Variants in TRAPPC2B observed in about 807,000 individuals in gnomAD.
The protein encoded by TRAPPC2B is trafficking protein particle complex subunit 2B.
Under a neutral mutation model 8.4 loss-of-function variants are expected in TRAPPC2B, and 5 were observed. The ratio of observed to expected loss-of-function variants is 0.59; its 90% CI spans 0.31 to 1.25. TRAPPC2B has a LOEUF of 1.25. Among genes scored for constraint, TRAPPC2B ranks in the 50% most tolerant of loss-of-function variants. TRAPPC2B has a pLI of 0.06. For synonymous variants in TRAPPC2B, 46 were observed against 58.1 expected, an observed-to-expected ratio of 0.79 and a Z score of 0.95; for missense variants, 161 against 173.2, an observed-to-expected ratio of 0.93 and a Z score of 0.40.
chr19:57,364,736 G>A (rs2088450771), intron 1 of TRAPPC2B, 79 bp from the exon 2 acceptor site: 24 of 1,013,660 alleles, frequency 2.4e-5, no homozygotes, highest in Non-Finnish European at 3.2e-5. Context: ...GCGAGATTCC[G>A]TGTCAAAAAA....
chr19:57,364,333 A>C (rs539302072), intron 1 of TRAPPC2B: 1 of 157,270 alleles, frequency 6.4e-6, no homozygotes, highest in East Asian at 1.9e-4. Context: ...GGAGAAGATC[A>C]TGGGTTGGAG....
chr19:57,365,047 G>C lies in TRAPPC2B; in HGVS notation c.214G>C (p.Val72Leu), dbSNP rs780514143. 1 of 1,611,964 alleles carries C rather than the reference G, an allele frequency of 6.2e-7. No individual in the cohort carries two copies. Among genetic ancestry groups the C allele is most frequent in the East Asian group, 2.2e-5 (1 of 44,878 alleles). The change falls in exon 2 of 2, where the codon GTG becomes CTG. Residue 72 changes from valine (V) to leucine (L), a missense_variant. Physicochemically the swap from Val to Leu is conservative, Grantham distance 32. Transcript: ENST00000543226. ...KTVDKFNEWF[V>L]SAFVTAGHMR... ...TGTGGACAAGTTCAACGAGTGGTTT[G>C]TGTCAGCATTTGTCACCGCGGGGCA...
intron 1 of TRAPPC2B, chr19:57,364,381 A>C (rs1371169840): frequency 1.2e-5 from 2 of 169,402 alleles, no homozygotes; most frequent in Non-Finnish European, 2.6e-5. Flanking sequence ...CAAGTTGAAA[A>C]TGTCACATGG....
At position 57,363,584 on chromosome 19, in the gene TRAPPC2B, GAC is replaced by G. The variant is rs1413610004; in HGVS notation, c.-137_-136del. 3 of 152,870 alleles carry G rather than the reference GAC, an allele frequency of 2.0e-5. No homozygotes were observed. The highest frequency in any genetic ancestry group is 2.0e-4 in the Admixed American group (3 of 15,294). The allele number at this position is 152,870 out of a possible 1,614,324, so 9.5% of individuals were successfully genotyped here. A position where few individuals can be genotyped will look rare whatever the true frequency, so the allele number is the denominator to read the frequency against. ...AGGCGGTAGTGACACAGGCACAACTGACAGTGGCAGAAGCTCAGCTGACAAGG... is the reference window on the plus strand; with the variant it reads ...AGGCGGTAGTGACACAGGCACAACTGAGTGGCAGAAGCTCAGCTGACAAGG... On this transcript the variant is annotated 5_prime_UTR_variant, in exon 1 of 2. Coordinates refer to ENST00000543226, the MANE Select transcript of TRAPPC2B (RefSeq NM_001355204.2).
intron 1 of TRAPPC2B, chr19:57,364,466 G>GATCATGAAAAA: frequency 4.1e-6 from 1 of 242,424 alleles, no homozygotes; most frequent in Non-Finnish European, 8.1e-6. Flanking sequence ...AGGGTGGCCG[G>GATCATGAAAAA]GCGTGGTGGC....
intron 1 of TRAPPC2B, 27 bp from the exon 2 acceptor site, chr19:57,364,788 G>T: frequency 6.7e-7 from 1 of 1,494,210 alleles, no homozygotes; most frequent in South Asian, 1.2e-5. Flanking sequence ...CTGACATTGC[G>T]TTTCCGTTGT....
At position 57,365,357 on chromosome 19, in the gene TRAPPC2B, G is replaced by T; in HGVS notation, c.*101G>T. On this transcript the variant is annotated 3_prime_UTR_variant, in exon 2 of 2. Transcript: ENST00000543226. Reference sequence around the variant, plus strand: ...ATTAAATAGCCTGGAAATCTTTTGTGTATTCTCAGCTTATCTAAACTTAAT... The same window carrying T: ...ATTAAATAGCCTGGAAATCTTTTGTTTATTCTCAGCTTATCTAAACTTAAT... 1 of 832,928 alleles carries T rather than the reference G, an allele frequency of 1.2e-6. No individual in the cohort carries two copies. The allele number at this position is 832,928 out of a possible 1,614,324, so 51.6% of individuals were successfully genotyped here.
chr19:57,364,675 A>G, intron 1 of TRAPPC2B, 140 bp from the exon 2 acceptor site: 1 of 650,128 alleles, frequency 1.5e-6, no homozygotes, highest in Non-Finnish European at 2.7e-6. Context: ...CAGGAGGTGG[A>G]GATTGCAGTG....
At chr19:57,363,770 A>G (rs887157159) in intron 1 of TRAPPC2B, 67 bp downstream of exon 1, 1 of 147,728 alleles carries the variant, frequency 6.8e-6, no homozygotes, top group African/African-American at 2.5e-5. Context: ...TGAAGCCCAT[A>G]GAAGGGGCCC....
chr19:57,363,943 T>G (rs974725929), intron 1 of TRAPPC2B: 3 of 152,448 alleles, frequency 2.0e-5, no homozygotes, highest in Non-Finnish European at 4.4e-5. Flanking sequence ...GTGGGTTGTT[T>G]CTGCGGGAAA....
In TRAPPC2B at chr19:57,365,307, G is replaced by C. The variant is rs2088459368; in HGVS notation, c.*51G>C. 3 of 1,212,756 alleles carry C rather than the reference G, an allele frequency of 2.5e-6. No individual in the cohort carries two copies. The highest frequency in any genetic ancestry group is 5.1e-5 in the East Asian group (2 of 39,180). 75.1% of individuals were successfully genotyped at this position (1,212,756 alleles called of 1,614,324 possible). A position where few individuals can be genotyped will look rare whatever the true frequency, so the allele number is the denominator to read the frequency against. ...TATCACCACAATGGTGTATACTCAG[G>C]AATGTGTACATTGTAAATTACTTGA... On this transcript the variant is annotated 3_prime_UTR_variant, in exon 2 of 2. Transcript: ENST00000543226.
At chr19:57,364,496 A>C (rs2088448148) in intron 1 of TRAPPC2B, 3 of 368,588 alleles carry the variant, frequency 8.1e-6, no homozygotes, top group Non-Finnish European at 1.5e-5. Flanking sequence ...TAATCCCAGC[A>C]CTTTGGGAGG....
At position 57,364,799 on chromosome 19, in the gene TRAPPC2B, C is replaced by T. The variant is rs755900858; in HGVS notation, c.-19-16C>T. Reference sequence around the variant, plus strand: ...GAAACTGACATTGCGTTTCCGTTGTCGGCCTCCCGCTGCAGGAGCCATATA... The same window carrying T: ...GAAACTGACATTGCGTTTCCGTTGTTGGCCTCCCGCTGCAGGAGCCATATA... On this transcript the variant is annotated splice_polypyrimidine_tract_variant and intron_variant, in intron 1 of 1. Transcript: ENST00000543226. 1.4e-5 allele frequency: 22 copies of T among 1,537,628 alleles called. No homozygotes were observed. The highest frequency in any genetic ancestry group is 4.6e-5 in the East Asian group (2 of 43,262).
rs770273021 is a variant in TRAPPC2B at position 57,364,961 on chromosome 19, A to G, written c.128A>G (p.His43Arg). Residue 43 changes from histidine (H) to arginine (R), a missense_variant, in exon 2 of 2, where the codon CAT (histidine) becomes CGT (arginine). By Grantham distance (29) the His-to-Arg change is conservative. Coordinates refer to ENST00000543226, the MANE Select transcript of TRAPPC2B (RefSeq NM_001355204.2). ...CGTCATCTGAACCAGTTCATAGCTCATGCTGCTCTCGACCTCGTAGATGAG... is the reference window on the plus strand; with the variant it reads ...CGTCATCTGAACCAGTTCATAGCTCGTGCTGCTCTCGACCTCGTAGATGAG... ...DHRHLNQFIA[H>R]AALDLVDENM... The G allele has an allele frequency of 2.5e-6, 4 of 1,612,810 alleles. No individual in the cohort carries two copies. The highest frequency in any genetic ancestry group is 1.7e-5 in the Admixed American group (1 of 59,980).
rs1160220816 is a variant in TRAPPC2B, at chr19:57,365,357, G to A, written c.*101G>A. Reference sequence around the variant, plus strand: ...ATTAAATAGCCTGGAAATCTTTTGTGTATTCTCAGCTTATCTAAACTTAAT... The same window carrying A: ...ATTAAATAGCCTGGAAATCTTTTGTATATTCTCAGCTTATCTAAACTTAAT... On this transcript the variant is annotated 3_prime_UTR_variant, in exon 2 of 2. Transcript: ENST00000543226. 13 of 832,930 alleles carry A rather than the reference G, an allele frequency of 1.6e-5. No homozygotes were observed. Among genetic ancestry groups the A allele is most frequent in the Middle Eastern group, 7.1e-4 (2 of 2,802 alleles). The allele number at this position is 832,930 out of a possible 1,614,324, so 51.6% of individuals were successfully genotyped here. A position where few individuals can be genotyped will look rare whatever the true frequency, so the allele number is the denominator to read the frequency against.
At position 57,363,603 on chromosome 19, in the gene TRAPPC2B, C is replaced by G. The variant is rs967679233; in HGVS notation, c.-120C>G. The G allele has an allele frequency of 4.6e-5, 7 of 153,176 alleles. No homozygotes were observed. The highest frequency in any genetic ancestry group is 1.7e-4 in the African/African-American group (7 of 41,596). 9.5% of individuals were successfully genotyped at this position (153,176 alleles called of 1,614,324 possible). A position where few individuals can be genotyped will look rare whatever the true frequency, so the allele number is the denominator to read the frequency against. On this transcript the variant is annotated 5_prime_UTR_variant, in exon 1 of 2. Transcript: ENST00000543226. The stretch of plus-strand genomic sequence containing the variant: ...ACAACTGACAGTGGCAGAAGCTCAG[C>G]TGACAAGGACTGGGGACGGCGGTGT...
Position 57,365,081 on chromosome 19 carries a change from T to G in TRAPPC2B, c.248T>G (p.Phe83Cys), listed in dbSNP as rs752449653. The G allele has an allele frequency of 6.2e-7, 1 of 1,609,880 alleles. No individual in the cohort carries two copies. Among genetic ancestry groups the G allele is most frequent in the South Asian group, 1.1e-5 (1 of 90,920 alleles). Reference protein sequence around the residue: ...SAFVTAGHMRFIMLHDIRQED... With the variant: ...SAFVTAGHMRCIMLHDIRQED... ...TTTGTCACCGCGGGGCATATGAGGTTTATTATGCTTCATGACATAAGACAA... is the reference window on the plus strand; with the variant it reads ...TTTGTCACCGCGGGGCATATGAGGTGTATTATGCTTCATGACATAAGACAA... The change falls in exon 2 of 2, where the codon TTT becomes TGT. Residue 83 changes from phenylalanine (F) to cysteine (C), a missense_variant. By Grantham distance (205) the Phe-to-Cys change is radical (BLOSUM62 -2). Coordinates refer to ENST00000543226, the MANE Select transcript of TRAPPC2B (RefSeq NM_001355204.2).
intron 1 of TRAPPC2B, 28 bp from the exon 2 acceptor site, chr19:57,364,787 C>G (rs1036841718): frequency 4.8e-6 from 7 of 1,472,286 alleles, no homozygotes; most frequent in Non-Finnish European, 6.5e-6. Flanking sequence ...ACTGACATTG[C>G]GTTTCCGTTG....
intron 1 of TRAPPC2B, chr19:57,364,506 G>A (rs151050474): frequency 0.038 from 14,467 of 381,348 alleles, 403 homozygotes; most frequent in South Asian, 0.075. Context: ...ACTTTGGGAG[G>A]CCAAGGCGAG....
Sources: allele counts gnomAD v4.1 joint callset, GRCh38; gene constraint gnomAD v4.1.1; transcripts MANE v1.5; gene names NCBI Gene and HGNC (gene_info 2026-07-23, HGNC 2026-07-21).